The following RPN2 variants were observed in gnomAD, a reference collection of about 807,000 sequenced individuals.
The protein encoded by RPN2 is dolichyl-diphosphooligosaccharide--protein glycosyltransferase subunit 2.
A neutral mutation model predicts 71.4 loss-of-function variants in RPN2; 29 were observed. The observed-to-expected ratio is 0.41, with a 90% CI of 0.30 to 0.55. RPN2 has a LOEUF of 0.55. RPN2 is among the 20% of genes least tolerant of loss of function. The probability of loss-of-function intolerance (pLI) is 0.35; values close to 1 mark genes in which losing one functional copy is unlikely to be tolerated. For missense variants in RPN2, 726 were observed against 774.1 expected (o/e 0.94, Z 0.74); for synonymous variants, 308 against 305.0 (o/e 1.01, Z -0.10).
intron 2 of RPN2, among the ~76,000 whole-genome samples, chr20:37,189,626 A>T (rs1028425645): frequency 5.9e-5 from 9 of 152,206 alleles, no homozygotes; most frequent in African/African-American, 9.7e-5. Flanking sequence ...TATAAACCCT[A>T]AAGGTGAATG....
At chr20:37,184,100 C>T (rs2066945205) in intron 1 of RPN2, 80 bp from the exon 2 acceptor site, 1 of 1,535,950 alleles carries the variant, frequency 6.5e-7, no homozygotes, top group Non-Finnish European at 9.0e-7. Context: ...GTTCCCAGAT[C>T]TTGGTGTGCA....
At chr20:37,191,716 G>A (rs1289218072) in intron 2 of RPN2, among the ~76,000 whole-genome samples, 2 of 151,138 alleles carry the variant, frequency 1.3e-5, no homozygotes, top group Non-Finnish European at 2.9e-5. Flanking sequence ...TTTTTCATTT[G>A]AGTTATATTT....
chr20:37,231,535 ACT>A (rs1345367258), intron 13 of RPN2, among the ~76,000 whole-genome samples: 3 of 151,830 alleles, frequency 2.0e-5, no homozygotes, highest in South Asian at 2.1e-4. Context: ...ATCTAGTGAG[ACT>A]CTGTCTCTAC....
intron 13 of RPN2, among the ~76,000 whole-genome samples, chr20:37,230,854 A>G (rs1419169227): frequency 6.6e-6 from 1 of 151,988 alleles, no homozygotes; most frequent in Non-Finnish European, 1.5e-5. Context: ...TGTAATTGTG[A>G]TGATGAAGGG....
At chr20:37,227,887 A>G (rs1265214559) in intron 11 of RPN2, among the ~76,000 whole-genome samples, 1 of 152,234 alleles carries the variant, frequency 6.6e-6, no homozygotes, top group East Asian at 1.9e-4. Context: ...CCCTGCACTA[A>G]TGCTTAGCAT....
chr20:37,233,107 C>T (rs1427136180), intron 14 of RPN2, among the ~76,000 whole-genome samples: 3 of 151,920 alleles, frequency 2.0e-5, no homozygotes, highest in South Asian at 2.1e-4. Context: ...CCTGTAGTCC[C>T]GGCTACTTGA....
chr20:37,196,112 T>A (rs577045267), intron 2 of RPN2, among the ~76,000 whole-genome samples: 1 of 151,654 alleles, frequency 6.6e-6, no homozygotes, highest in Non-Finnish European at 1.5e-5. Context: ...CAGGCTGGAG[T>A]GCAGTGGCAC....
intron 13 of RPN2, among the ~76,000 whole-genome samples, chr20:37,231,959 C>G (rs2068260547): frequency 6.6e-6 from 1 of 152,200 alleles, no homozygotes; most frequent in Admixed American, 6.5e-5. Context: ...CTCAAGCCAT[C>G]CATATACCTG....
Position 37,194,542 on chromosome 20 carries a change from G to T in RPN2, c.208-3855G>T, listed in dbSNP as rs185178032. ...CTCCCAAAGTGCTGGGATCACAGGCGTGAGCCATCACGCCCAGCCAGGAAG... is the reference window on the plus strand; with the variant it reads ...CTCCCAAAGTGCTGGGATCACAGGCTTGAGCCATCACGCCCAGCCAGGAAG... On this transcript the variant is annotated intron_variant, in intron 2 of 16. Transcript: ENST00000237530. Among the ~76,000 whole-genome samples the T allele has an allele frequency of 2.8e-3, 427 of 152,366 alleles. 5 individuals are homozygous for T. The highest frequency in any genetic ancestry group is 1.0e-2 in the African/African-American group (414 of 41,588).
intron 9 of RPN2, among the ~76,000 whole-genome samples, chr20:37,218,445 C>A (rs1306053413): frequency 6.6e-6 from 1 of 151,836 alleles, no homozygotes; most frequent in Non-Finnish European, 1.5e-5. Context: ...CAGTGGCTCA[C>A]ACCTATAATC....
chr20:37,236,514 CT>C, intron 15 of RPN2, 65 bp from the exon 16 acceptor site: 6 of 1,579,766 alleles, frequency 3.8e-6, no homozygotes, highest in Non-Finnish European at 5.2e-6. Flanking sequence ...CTATGTCTAA[CT>C]TTCCTCAACC....
intron 16 of RPN2, among the ~76,000 whole-genome samples, chr20:37,239,246 A>T (rs778631816): frequency 7.2e-5 from 11 of 152,242 alleles, no homozygotes; most frequent in Non-Finnish European, 1.2e-4. Context: ...GAAAGCAGCC[A>T]TAGACTGTAT....
At position 37,230,078 on chromosome 20, in the gene RPN2, A is replaced by G. The variant is rs1016003061; in HGVS notation, c.1581+19A>G. The G allele has an allele frequency of 6.3e-6, 10 of 1,590,100 alleles. No individual in the cohort carries two copies. The South Asian group carries it at 6.6e-5, about 11-fold the overall frequency. Reference sequence around the variant, plus strand: ...AATTCAGGTATATCCCAAAGGGCCTATCCACTAAACGTGGGAGAAGAGAGG... The same window carrying G: ...AATTCAGGTATATCCCAAAGGGCCTGTCCACTAAACGTGGGAGAAGAGAGG... On this transcript the variant is annotated intron_variant, in intron 13 of 16. Transcript: ENST00000237530.
chr20:37,226,510 C>A (rs1222761914), intron 11 of RPN2, among the ~76,000 whole-genome samples: 1 of 152,016 alleles, frequency 6.6e-6, no homozygotes, highest in Admixed American at 6.6e-5. Flanking sequence ...TATGGTGAGA[C>A]CTCATTTGTG....
chr20:37,237,942 A>G (rs1326912725), intron 16 of RPN2, among the ~76,000 whole-genome samples: 1 of 152,196 alleles, frequency 6.6e-6, no homozygotes, highest in African/African-American at 2.4e-5. Context: ...CTATAATCCC[A>G]GCACTTTGGG....
At chr20:37,215,295 C>G (rs2146629574) in intron 9 of RPN2, among the ~76,000 whole-genome samples, 1 of 152,252 alleles carries the variant, frequency 6.6e-6, no homozygotes. Flanking sequence ...TAGGTAGATT[C>G]AACACTTGCA....
intron 14 of RPN2, 99 bp downstream of exon 14, chr20:37,232,490 C>G: frequency 1.4e-6 from 2 of 1,404,288 alleles, no homozygotes; most frequent in Admixed American, 3.4e-5. Context: ...CTCAGTAAAG[C>G]TCCAGAGGGG....
chr20:37,231,393 A>G (rs1470017799), intron 13 of RPN2, among the ~76,000 whole-genome samples: 1 of 152,144 alleles, frequency 6.6e-6, no homozygotes, highest in African/African-American at 2.4e-5. Flanking sequence ...AAAACCAAGA[A>G]ATACCATCAG....
intron 7 of RPN2, 21 bp downstream of exon 7, chr20:37,207,470 G>T: frequency 1.2e-6 from 2 of 1,612,374 alleles, no homozygotes; most frequent in Non-Finnish European, 1.7e-6. Context: ...CATGCCCAAA[G>T]TGTGCCCCTC....
Sources: allele counts gnomAD v4.1 joint callset (sites outside exome capture counted in the v4.1 genomes callset), GRCh38; gene constraint gnomAD v4.1.1; transcripts MANE v1.5; gene names NCBI Gene and HGNC (gene_info 2026-07-23, HGNC 2026-07-21).